The following PLCH2 variants were observed in gnomAD, a reference collection of about 807,000 sequenced individuals.
PLCH2 encodes the protein phospholipase C eta 2, also known as 1-phosphatidylinositol 4,5-bisphosphate phosphodiesterase eta-2.
In PLCH2, 98 loss-of-function variants were observed where a neutral mutation model predicts 134.7. The observed-to-expected ratio is 0.73, with a 90% CI of 0.62 to 0.86. The LOEUF is 0.86. PLCH2 is among the 40% of genes least tolerant of loss of function. The pLI is 0.00. For missense variants in PLCH2, 1,994 were observed against 1,986.6 expected, an observed-to-expected ratio of 1.00 and a Z score of -0.07; for synonymous variants, 974 against 827.5, an observed-to-expected ratio of 1.18 and a Z score of -3.04.
chr1:2,472,808 G>A (rs544364220), upstream of PLCH2, among the ~76,000 whole-genome samples: 1 of 152,220 alleles, frequency 6.6e-6, no homozygotes, highest in Non-Finnish European at 1.5e-5. Context: ...TGCCCGTCCC[G>A]TACACGCTCG....
At position 2,504,198 on chromosome 1, in the gene PLCH2, G is replaced by A. The variant is rs1448518828; in HGVS notation, c.3236G>A (p.Arg1079Lys). 1.3e-6 allele frequency: 2 copies of A among 1,550,102 alleles called. No homozygotes were observed. Among genetic ancestry groups the A allele is most frequent in the Non-Finnish European group, 1.7e-6 (2 of 1,148,628 alleles). The stretch of plus-strand genomic sequence containing the variant: ...GCCCCCGGCAGCCAGACGGACGGCA[G>A]GAGCCAGCCCCGGACCCTGGGCCAC... ...ERAPGSQTDGRSQPRTLGHLP... is the reference protein window; with the variant it reads ...ERAPGSQTDGKSQPRTLGHLP... Residue 1079 changes from arginine (R) to lysine (K), a missense_variant, in exon 22 of 22, where the codon AGG (arginine) becomes AAG (lysine). Coordinates refer to ENST00000378486, the MANE Select transcript of PLCH2 (RefSeq NM_014638.4).
At position 2,484,459 on chromosome 1, in the gene PLCH2, G is replaced by T; in HGVS notation, c.657G>T (p.Thr219=). ...RVKQMFREAD[T]DDHQGTLGFE... is the part of the protein sequence containing the mutation. ...GCCTTGCATTGCAGGAAGCGGACAC[G>T]GATGACCACCAAGGGACGCTGGGTT... The change falls in exon 5 of 22, where the codon ACG becomes ACT. Residue 219 remains threonine (T), a synonymous_variant. Coordinates refer to ENST00000378486, the MANE Select transcript of PLCH2 (RefSeq NM_014638.4). The T allele has an allele frequency of 5.0e-6, 8 of 1,613,184 alleles. No individual in the cohort carries two copies. The highest frequency in any genetic ancestry group is 6.8e-6 in the Non-Finnish European group (8 of 1,179,720).
At chr1:2,490,664 G>A (rs552539203) in intron 10 of PLCH2, among the ~76,000 whole-genome samples, 16 of 152,368 alleles carry the variant, frequency 1.1e-4, no homozygotes, top group African/African-American at 3.6e-4. Flanking sequence ...TGCGGCACAC[G>A]CCTCTGTGTG....
At position 2,439,590 on chromosome 1, in the gene PLCH2, C is replaced by T. The variant is rs751856685; in HGVS notation, c.115+8961C>T. ...ATTGATTGAGTTGCGTGCACGTGCT[C>T]TCTCTGCAGTGCTCAGCTGTGCCTC... On this transcript the variant is annotated intron_variant, in intron 2 of 3. Coordinates refer to the PLCH2 transcript ENST00000609981. This position sits in a 1 kb window ranked among gnomAD's most constrained non-coding sequence, Gnocchi z 4.7. Among the ~76,000 whole-genome samples, 21 of 152,260 alleles carry T rather than the reference C, an allele frequency of 1.4e-4. No individual in the cohort carries two copies. Among genetic ancestry groups the T allele is most frequent in the Admixed American group, 5.9e-4 (9 of 15,292 alleles).
At chr1:2,422,818 C>T (rs1002544436), upstream of PLCH2, among the ~76,000 whole-genome samples, 1 of 152,162 alleles carries the variant, frequency 6.6e-6, no homozygotes, top group Non-Finnish European at 1.5e-5. Flanking sequence ...GTTGGGATTA[C>T]AGGCATGAGC....
rs1179986804 is a variant in PLCH2 at position 2,498,335 on chromosome 1, AG to A, written c.2225-186del. On this transcript the variant is annotated intron_variant, in intron 16 of 21. Coordinates refer to ENST00000378486, the MANE Select transcript of PLCH2 (RefSeq NM_014638.4). This position sits in a 1 kb window ranked among gnomAD's most constrained non-coding sequence, Gnocchi z 5.4. ...GTCCCACATGCTGCGGTAGCCACAAAGGTGATCCATACTGGGCCAGGTGCAC... is the reference window on the plus strand; with the variant it reads ...GTCCCACATGCTGCGGTAGCCACAAAGTGATCCATACTGGGCCAGGTGCAC... The A allele has an allele frequency of 8.2e-5, 50 of 612,348 alleles. No individual in the cohort carries two copies. In the East Asian group the frequency reaches 1.3e-3, roughly 16 times the overall value. The allele number at this position is 612,348 out of a possible 1,614,324, so 37.9% of individuals were successfully genotyped here.
chr1:2,479,889 G>A lies in PLCH2; in HGVS notation c.427G>A (p.Ala143Thr), dbSNP rs1347494932. Residue 143 changes from alanine to threonine, a missense_variant, in exon 3 of 22, where the codon GCG becomes ACG. Coordinates refer to ENST00000378486, the MANE Select transcript of PLCH2 (RefSeq NM_014638.4). Reference sequence around the variant, plus strand: ...CCTGGTCTCCACCAGCAGCGAGGTGGCGCGCACCTGGGTCACTGGCCTGCG... The same window carrying A: ...CCTGGTCTCCACCAGCAGCGAGGTGACGCGCACCTGGGTCACTGGCCTGCG... ...LDLVSTSSEVARTWVTGLRYL... is the reference protein window; with the variant it reads ...LDLVSTSSEVTRTWVTGLRYL... 11 of 1,611,902 alleles carry A rather than the reference G, an allele frequency of 6.8e-6. No homozygotes were observed. The highest frequency in any genetic ancestry group is 6.8e-6 in the Non-Finnish European group (8 of 1,179,596).
chr1:2,480,407 G>T, intron 4 of PLCH2, 95 bp downstream of exon 4: 1 of 1,405,558 alleles, frequency 7.1e-7, no homozygotes, highest in South Asian at 1.3e-5. Flanking sequence ...GACTGAGCTG[G>T]AGGGGACCCT....
At chr1:2,496,465 CCA>C in intron 13 of PLCH2, 140 bp from the exon 14 acceptor site, 1 of 717,760 alleles carries the variant, frequency 1.4e-6, no homozygotes, top group South Asian at 1.8e-5. Flanking sequence ...AGCCCGCGGC[CCA>C]GTCTGGCGTC....
intron 2 of PLCH2, among the ~76,000 whole-genome samples, chr1:2,454,118 C>T (rs1218202011): frequency 6.6e-6 from 1 of 152,214 alleles, no homozygotes; most frequent in Non-Finnish European, 1.5e-5. Flanking sequence ...GCCACCTGGC[C>T]TCTCCAGCAG....
At position 2,476,453 on chromosome 1, in the gene PLCH2, G is replaced by A. The variant is rs553239919; in HGVS notation, c.-136G>A. 300 of 842,434 alleles carry A rather than the reference G, an allele frequency of 3.6e-4. 1 individual carries two copies. The African/African-American group carries it at 4.6e-3, about 13-fold the overall frequency. The allele number at this position is 842,434 out of a possible 1,614,324, so 52.2% of individuals were successfully genotyped here. On this transcript the variant is annotated 5_prime_UTR_variant, in exon 1 of 22. Transcript: ENST00000378486. ...TGTGGGGGCTTCGGAGGGCCCTGAG[G>A]AGGAGGAGGAAGAGGCAGAGGAGAG...
At chr1:2,455,361 C>T (rs1640439305) in intron 2 of PLCH2, among the ~76,000 whole-genome samples, 1 of 152,202 alleles carries the variant, frequency 6.6e-6, no homozygotes, top group Admixed American at 6.5e-5. Context: ...ACCCTCGGCC[C>T]TGCCAGGCCC....
chr1:2,419,484 G>T, the PLCH2 span, among the ~76,000 whole-genome samples: 1,192 of 152,180 alleles, frequency 7.8e-3, 13 homozygotes, highest in South Asian at 0.039. Flanking sequence ...GCCGTTGGTC[G>T]GGGGGGTTTT....
intron 3 of PLCH2, 57 bp from the exon 4 acceptor site, chr1:2,480,126 G>T: frequency 2.5e-6 from 4 of 1,605,184 alleles, no homozygotes; most frequent in South Asian, 2.2e-5. Flanking sequence ...AGGCCAGAGG[G>T]TGGAGGTGTC....
chr1:2,491,694 G>T (rs1237653353), intron 11 of PLCH2, among the ~76,000 whole-genome samples: 2 of 152,272 alleles, frequency 1.3e-5, no homozygotes, highest in African/African-American at 4.8e-5. Context: ...TGTGTGTGGG[G>T]TGAGAGGTGA....
At chr1:2,494,526 G>T in intron 11 of PLCH2, 1 of 439,006 alleles carries the variant, frequency 2.3e-6, no homozygotes, top group Non-Finnish European at 4.2e-6. Flanking sequence ...AGTCACCACT[G>T]GTGGGAAAAA....
chr1:2,489,184 C>T lies in PLCH2; in HGVS notation c.1236-23C>T, dbSNP rs1333135990. The T allele has an allele frequency of 3.1e-6, 5 of 1,610,444 alleles. No individual in the cohort carries two copies. In the South Asian group the frequency reaches 4.4e-5, roughly 14 times the overall value. On this transcript the variant is annotated intron_variant, in intron 8 of 21. Coordinates refer to ENST00000378486, the MANE Select transcript of PLCH2 (RefSeq NM_014638.4). ...CCTCTGAGGCCCTGGCCTCATCCTG[C>T]TCTTTCTGCCTTGGGGCCACAGGTA...
rs1419092696 is a variant in PLCH2 at position 2,498,454 on chromosome 1, G to A, written c.2225-69G>A. ...GGGGCTGGGGAGGGGGCTGTTGGCA[G>A]CCATGCCCCAGCAAGCAGGGGGCTT... On this transcript the variant is annotated intron_variant, in intron 16 of 21. Transcript: ENST00000378486. This position sits in a 1 kb window ranked among gnomAD's most constrained non-coding sequence, Gnocchi z 5.4. 3 of 1,542,348 alleles carry A rather than the reference G, an allele frequency of 1.9e-6. No individual in the cohort carries two copies. The highest frequency in any genetic ancestry group is 1.2e-5 in the South Asian group (1 of 82,600).
intron 2 of PLCH2, among the ~76,000 whole-genome samples, chr1:2,453,656 G>A (rs1640350001): frequency 6.6e-6 from 1 of 152,196 alleles, no homozygotes; most frequent in South Asian, 2.1e-4. Flanking sequence ...ACCCCCTGTG[G>A]AGCAGAGCCC....
Sources: gnomAD v4.1 joint callset for allele counts (sites outside exome capture counted in the v4.1 genomes callset) on GRCh38, gnomAD v4.1.1 for gene constraint, Gnocchi (gnomAD v3.1) non-coding constraint, MANE v1.5 for transcripts, NCBI Gene and HGNC (gene_info 2026-07-23, HGNC 2026-07-21) for gene names.